CLOCK: variants seen among roughly 807,000 people sequenced by gnomAD.
The protein encoded by CLOCK is clock circadian regulator.
A neutral mutation model predicts 118.4 loss-of-function variants in CLOCK; 43 were observed. That is an observed-to-expected ratio of 0.36 (90% CI 0.28 to 0.47). The LOEUF is 0.47. Among genes scored for constraint, CLOCK ranks in the 20% least tolerant of loss-of-function variants. CLOCK has a pLI of 1.00. For synonymous variants in CLOCK, 326 were observed against 339.2 expected (o/e 0.96, Z 0.43); for missense variants, 846 against 999.9 (o/e 0.85, Z 2.08).
At chr4:55,448,601 CGTGTGTGTGTGT>C (rs3034980) in intron 18 of CLOCK, among the ~76,000 whole-genome samples, 166 bp downstream of exon 18, 6,258 of 116,948 alleles carry the variant, frequency 0.054, 215 homozygotes, top group African/African-American at 0.11. Flanking sequence ...CGCACGCGCG[CGTGTGTGTGTGT>C]GTGTGTGTGT....
chr4:55,478,687 A>G, intron 6 of CLOCK, 128 bp downstream of exon 6: 2 of 895,618 alleles, frequency 2.2e-6, no homozygotes, highest in Non-Finnish European at 3.6e-6. Context: ...ATATTAGGAA[A>G]CCTTTTAAAA....
chr4:55,443,031 G>GC (rs1723501107), intron 20 of CLOCK, among the ~76,000 whole-genome samples: 1 of 151,970 alleles, frequency 6.6e-6, no homozygotes, highest in African/African-American at 2.4e-5. Context: ...AAACCATTAT[G>GC]CCCCCTCCCC....
rs1560404029 is a variant in CLOCK at position 55,431,368 on chromosome 4, T to C, written c.*4047A>G. 2 of 152,200 alleles carry C rather than the reference T, an allele frequency of 1.3e-5. No individual in the cohort carries two copies. The highest frequency in any genetic ancestry group is 2.9e-5 in the Non-Finnish European group (2 of 68,022). The allele number at this position is 152,200 out of a possible 1,614,324, so 9.4% of individuals were successfully genotyped here. A position where few individuals can be genotyped will look rare whatever the true frequency, so the allele number is the denominator to read the frequency against. On this transcript the variant is annotated 3_prime_UTR_variant, in exon 23 of 23. Transcript: ENST00000513440. Reference sequence around the variant, plus strand: ...GGTTCCTATTATAGTTATATACAAATATATTAAATATACTATAAAAATAGT... The same window carrying C: ...GGTTCCTATTATAGTTATATACAAACATATTAAATATACTATAAAAATAGT...
At chr4:55,523,610 TCATCCATG>T (rs1241302918) in intron 1 of CLOCK, among the ~76,000 whole-genome samples, 2 of 152,224 alleles carry the variant, frequency 1.3e-5, no homozygotes, top group Non-Finnish European at 2.9e-5. Flanking sequence ...AACTGGCTGA[TCATCCATG>T]CACGAATCTG....
chr4:55,442,557 T>TG lies in CLOCK; in HGVS notation c.1979dup (p.Leu661ThrfsTer3). 1 of 1,611,230 alleles carries TG rather than the reference T, an allele frequency of 6.2e-7. No individual in the cohort carries two copies. Among genetic ancestry groups the TG allele is most frequent in the Non-Finnish European group, 8.5e-7 (1 of 1,179,500 alleles). On this transcript the variant is annotated frameshift_variant, in exon 21 of 23. Transcript: ENST00000513440. LOFTEE classifies it high-confidence loss of function. ...GAGAAATCACCATAGTGTTATACAG[T>TG]GGGGCTGTAAGAGTGCTCTGTGTCT...
rs114623526 is a variant in CLOCK, at chr4:55,470,135, G to A, written c.438+582C>T. On this transcript the variant is annotated intron_variant, in intron 8 of 22. Coordinates refer to ENST00000513440, the MANE Select transcript of CLOCK (RefSeq NM_004898.4). ...TTTATAAAGTCTATAAAGGTGTACA[G>A]TACTGTCTTAGTCCTTCACATTCAC... Among the ~76,000 whole-genome samples, 1,480 of 152,306 alleles carry A rather than the reference G, an allele frequency of 9.7e-3. 28 individuals are homozygous for A. Among genetic ancestry groups the A allele is most frequent in the African/African-American group, 0.034 (1,412 of 41,558 alleles).
rs1725119216 is a variant in CLOCK, at chr4:55,459,029, A to G, written c.674-19T>C. Reference sequence around the variant, plus strand: ...GAGGATACTAAAACAATAGGGAAATATGTATCATCAGTTATGCCAGCAAAA... The same window carrying G: ...GAGGATACTAAAACAATAGGGAAATGTGTATCATCAGTTATGCCAGCAAAA... On this transcript the variant is annotated intron_variant, in intron 10 of 22. Coordinates refer to ENST00000513440, the MANE Select transcript of CLOCK (RefSeq NM_004898.4). 6.3e-7 allele frequency: 1 copy of G among 1,584,040 alleles called. No individual in the cohort carries two copies. Among genetic ancestry groups the G allele is most frequent in the Non-Finnish European group, 8.7e-7 (1 of 1,152,866 alleles).
intron 8 of CLOCK, among the ~76,000 whole-genome samples, chr4:55,468,085 C>G (rs62303716): frequency 5.3e-5 from 8 of 151,970 alleles, no homozygotes; most frequent in Non-Finnish European, 1.2e-4. Context: ...GAGACACTTA[C>G]AAGCAGAATT....
rs530371206 is a variant in CLOCK, at chr4:55,459,311, G to A, written c.560-50C>T. On this transcript the variant is annotated intron_variant, in intron 9 of 22. Transcript: ENST00000513440. ...TCACATATTTCTGATATAAAACAAT[G>A]ATTGATATACCACATAAAGTAAGAT... The A allele has an allele frequency of 1.0e-4, 103 of 1,030,352 alleles. 2 individuals carry two copies. In the South Asian group the frequency reaches 1.3e-3, roughly 13 times the overall value. The allele number at this position is 1,030,352 out of a possible 1,614,324, so 63.8% of individuals were successfully genotyped here.
chr4:55,487,700 A>G (rs113032602), intron 3 of CLOCK, among the ~76,000 whole-genome samples: 3 of 152,334 alleles, frequency 2.0e-5, no homozygotes, highest in African/African-American at 7.2e-5. Flanking sequence ...GATTTGCAAC[A>G]AATCATCCTG....
intron 2 of CLOCK, among the ~76,000 whole-genome samples, chr4:55,499,251 T>A (rs182940435): frequency 6.6e-6 from 1 of 152,198 alleles, no homozygotes; most frequent in Non-Finnish European, 1.5e-5. Context: ...TTGGATCATA[T>A]CCTGGACATT....
intron 9 of CLOCK, among the ~76,000 whole-genome samples, chr4:55,460,616 G>A (rs974092308): frequency 8.5e-5 from 13 of 152,086 alleles, no homozygotes; most frequent in Admixed American, 2.6e-4. Context: ...CTAGGTAACC[G>A]AAATATGTAT....
chr4:55,493,845 A>G (rs1043023366), intron 2 of CLOCK, among the ~76,000 whole-genome samples: 7 of 152,202 alleles, frequency 4.6e-5, no homozygotes, highest in Non-Finnish European at 1.0e-4. Context: ...TTAAAACCAG[A>G]GAGGATTCTG....
intron 5 of CLOCK, 140 bp from the exon 6 acceptor site, chr4:55,479,103 T>C (rs750096754): frequency 4.7e-5 from 31 of 659,286 alleles, no homozygotes; most frequent in South Asian, 2.5e-4. Context: ...GTTACCAATA[T>C]ACAGTTAATT....
chr4:55,468,591 T>C (rs1204465411), intron 8 of CLOCK, among the ~76,000 whole-genome samples: 1 of 151,582 alleles, frequency 6.6e-6, no homozygotes, highest in Non-Finnish European at 1.5e-5. Context: ...AAGTTCTGTA[T>C]CTACTATTTT....
intron 1 of CLOCK, among the ~76,000 whole-genome samples, chr4:55,529,264 T>A (rs1730389920): frequency 6.6e-6 from 1 of 152,192 alleles, no homozygotes; most frequent in Non-Finnish European, 1.5e-5. Context: ...GCTCAAGTGA[T>A]CTTCCTGCCT....
chr4:55,545,976 C>A (rs12505265), intron 1 of CLOCK: 66 of 152,216 alleles, frequency 4.3e-4, no homozygotes, highest in African/African-American at 1.5e-3. Context: ...CCGGAACCAC[C>A]ACCACTAACG....
chr4:55,447,446 T>C (rs1723958868), intron 18 of CLOCK, among the ~76,000 whole-genome samples: 2 of 152,252 alleles, frequency 1.3e-5, no homozygotes, highest in Admixed American at 1.3e-4. Flanking sequence ...TGGACAAGCA[T>C]TATATTGATA....
chr4:55,502,525 G>A (rs1728507814), intron 2 of CLOCK, among the ~76,000 whole-genome samples: 1 of 152,012 alleles, frequency 6.6e-6, no homozygotes, highest in Non-Finnish European at 1.5e-5. Context: ...TGAACTATGA[G>A]GCTTACATAT....
Sources: gnomAD v4.1 joint callset for allele counts (sites outside exome capture counted in the v4.1 genomes callset) on GRCh38, gnomAD v4.1.1 for gene constraint, MANE v1.5 for transcripts, NCBI Gene and HGNC (gene_info 2026-07-23, HGNC 2026-07-21) for gene names.